The following ANKS4B variants were observed in gnomAD, a reference collection of about 807,000 sequenced individuals.
ANKS4B encodes the protein ankyrin repeat and SAM domain-containing protein 4B.
Under a neutral mutation model 20.2 loss-of-function variants are expected in ANKS4B, and 21 were observed. That is an observed-to-expected ratio of 1.04 (90% CI 0.74 to 1.50). The LOEUF is 1.50. ANKS4B is among the 40% of genes most tolerant of loss of function. ANKS4B has a pLI of 0.00. For synonymous variants in ANKS4B, 179 were observed against 194.5 expected (o/e 0.92, Z 0.66); for missense variants, 473 against 494.6 (o/e 0.96, Z 0.41).
chr16:21,244,252 G>A (rs987397041), intron 1 of ANKS4B, among the ~76,000 whole-genome samples: 21 of 151,966 alleles, frequency 1.4e-4, no homozygotes, highest in Non-Finnish European at 2.1e-4. Context: ...ATCACACACC[G>A]GGGCCTGTTG....
intron 1 of ANKS4B, among the ~76,000 whole-genome samples, chr16:21,240,758 C>T (rs983730365): frequency 2.0e-5 from 3 of 151,596 alleles, no homozygotes; most frequent in African/African-American, 4.9e-5. Context: ...TTGAGATCCA[C>T]GCCACTATTT....
At position 21,250,029 on chromosome 16, in the gene ANKS4B, G is replaced by A. The variant is rs2093336924; in HGVS notation, c.463G>A (p.Glu155Lys). Residue 155 changes from glutamate to lysine, a missense_variant, in exon 2 of 2, where the codon GAG becomes AAG. By Grantham distance (56) the Glu-to-Lys change is moderately conservative. Transcript: ENST00000311620. Reference protein sequence around the residue: ...RQIKECERLQEKHQNKMAHTY... With the variant: ...RQIKECERLQKKHQNKMAHTY... ...GATCAAAGAGTGTGAGAGGCTCCAG[G>A]AGAAGCACCAAAATAAGATGGCCCA... is the stretch of plus-strand genomic sequence containing the variant. 1.2e-6 allele frequency: 2 copies of A among 1,614,020 alleles called. No homozygotes were observed. The highest frequency in any genetic ancestry group is 8.5e-7 in the Non-Finnish European group (1 of 1,180,026).
In ANKS4B at chr16:21,250,809, A is replaced by G. The variant is rs759900830; in HGVS notation, c.1243A>G (p.Thr415Ala). The G allele has an allele frequency of 5.0e-6, 8 of 1,590,652 alleles. No homozygotes were observed. The highest frequency in any genetic ancestry group is 2.0e-4 in the Middle Eastern group (1 of 5,004). Residue 415 changes from threonine to alanine, a missense_variant, in exon 2 of 2, where the codon ACC (threonine) becomes GCC (alanine). Coordinates refer to ENST00000311620, the MANE Select transcript of ANKS4B (RefSeq NM_145865.3). ...TCAACAGCCTGGGCAGCTGGTCGAC[A>G]CCAGCCTGTGATGGAGAGTTTTGGC... ...VLQQPGQLVD[T>A]SL
chr16:21,233,869 C>T lies in ANKS4B; in HGVS notation c.132C>T (p.Asn44=). 1.2e-6 allele frequency: 2 copies of T among 1,613,588 alleles called. No individual in the cohort carries two copies. The highest frequency in any genetic ancestry group is 1.7e-5 in the Admixed American group (1 of 59,988). Residue 44 remains asparagine (N), a synonymous_variant, in exon 1 of 2, where the codon AAC becomes AAT. Coordinates refer to ENST00000311620, the MANE Select transcript of ANKS4B (RefSeq NM_145865.3). ...CTCTCTTGGCAGCCTACCATGGGAA[C>T]TTGGAAGCCCTAGAGATAATCTGCA... ...TPTLLAAYHG[N]LEALEIICSR... is the part of the protein sequence containing the mutation.
chr16:21,243,666 G>A (rs1188051275), intron 1 of ANKS4B, among the ~76,000 whole-genome samples: 5 of 152,102 alleles, frequency 3.3e-5, no homozygotes, highest in African/African-American at 1.2e-4. Context: ...CCGCCTCCTG[G>A]GTTCACGCCA....
intron 1 of ANKS4B, among the ~76,000 whole-genome samples, chr16:21,245,751 C>T (rs1353951248): frequency 6.6e-6 from 1 of 152,168 alleles, no homozygotes; most frequent in Non-Finnish European, 1.5e-5. Flanking sequence ...AGGCATGAGC[C>T]ACCTCACCTG....
At chr16:21,237,914 C>T (rs753278366) in intron 1 of ANKS4B, among the ~76,000 whole-genome samples, 20 of 152,228 alleles carry the variant, frequency 1.3e-4, no homozygotes, top group Non-Finnish European at 2.8e-4. Context: ...GTAATCCCAG[C>T]ACTTTGGGAA....
At chr16:21,233,986 C>T in intron 1 of ANKS4B, 85 bp downstream of exon 1, 17 of 1,275,632 alleles carry the variant, frequency 1.3e-5, no homozygotes, top group Non-Finnish European at 1.9e-5. Context: ...GACGTCAATA[C>T]AAATACTTTA....
intron 1 of ANKS4B, among the ~76,000 whole-genome samples, chr16:21,239,297 T>G (rs1052885776): frequency 6.6e-6 from 1 of 152,196 alleles, no homozygotes; most frequent in South Asian, 2.1e-4. Context: ...ACAATAAAGA[T>G]ACATGCCTGG....
chr16:21,249,617 G>A, intron 1 of ANKS4B, 114 bp from the exon 2 acceptor site: 1 of 1,196,258 alleles, frequency 8.4e-7, no homozygotes, highest in South Asian at 1.6e-5. Context: ...AAGTCAGGAT[G>A]AACATGTTTG....
rs2093342106 is a variant in ANKS4B, at chr16:21,253,636, T to C, written c.*2816T>C. The C allele has an allele frequency of 6.6e-6, 1 of 152,158 alleles. No individual in the cohort carries two copies. The highest frequency in any genetic ancestry group is 2.1e-4 in the South Asian group (1 of 4,838). 9.4% of individuals were successfully genotyped at this position (152,158 alleles called of 1,614,324 possible). The stretch of plus-strand genomic sequence containing the variant: ...GCAAGAGAGCCATCACTCAGGTTGG[T>C]AGAAATGAACTTGAACATTGACTCT... On this transcript the variant is annotated 3_prime_UTR_variant, in exon 2 of 2. Transcript: ENST00000311620.
intron 1 of ANKS4B, among the ~76,000 whole-genome samples, chr16:21,243,318 GA>G (rs950242829): frequency 2.0e-5 from 3 of 152,124 alleles, no homozygotes; most frequent in African/African-American, 7.2e-5. Context: ...AAGGGAAATA[GA>G]AAAAAACAAC....
intron 1 of ANKS4B, among the ~76,000 whole-genome samples, chr16:21,247,498 C>T (rs2093333861): frequency 6.6e-6 from 1 of 152,098 alleles, no homozygotes; most frequent in Non-Finnish European, 1.5e-5. Flanking sequence ...TTCTGTCTGC[C>T]CTCTACTTCT....
rs752698422 is a variant in ANKS4B at position 21,249,971 on chromosome 16, G to A, written c.405G>A (p.Leu135=). 6.2e-7 allele frequency: 1 copy of A among 1,614,220 alleles called. No individual in the cohort carries two copies. Among genetic ancestry groups the A allele is most frequent in the Non-Finnish European group, 8.5e-7 (1 of 1,180,032 alleles). ...NIMNPKKVTR[L]KEQAQKNARR... is the part of the protein sequence containing the mutation. ...TGAACCCCAAGAAGGTCACCAGGCT[G>A]AAGGAGCAGGCTCAGAAGAATGCCA... The change falls in exon 2 of 2, where the codon CTG becomes CTA. Residue 135 remains leucine, a synonymous_variant. Coordinates refer to ENST00000311620, the MANE Select transcript of ANKS4B (RefSeq NM_145865.3).
At chr16:21,241,399 A>T (rs1175003608) in intron 1 of ANKS4B, among the ~76,000 whole-genome samples, 1 of 151,812 alleles carries the variant, frequency 6.6e-6, no homozygotes, top group East Asian at 1.9e-4. Context: ...ACTTCATGGT[A>T]TTCTGTTTTA....
rs2093342294 is a variant in ANKS4B at position 21,253,828 on chromosome 16, A to C, written c.*3008A>C. On this transcript the variant is annotated 3_prime_UTR_variant, in exon 2 of 2. Transcript: ENST00000311620. ...TCGTCACAGAGTATTGTTATATAAT[A>C]AAAAAAGGTTTATACCATGTTATAA... is the stretch of plus-strand genomic sequence containing the variant. 1 of 152,200 alleles carries C rather than the reference A, an allele frequency of 6.6e-6. No homozygotes were observed. Among genetic ancestry groups the C allele is most frequent in the Non-Finnish European group, 1.5e-5 (1 of 68,034 alleles). The allele number at this position is 152,200 out of a possible 1,614,324, so 9.4% of individuals were successfully genotyped here.
chr16:21,235,494 A>C (rs1178691048), intron 1 of ANKS4B, among the ~76,000 whole-genome samples: 2 of 152,126 alleles, frequency 1.3e-5, no homozygotes, highest in Admixed American at 6.5e-5. Flanking sequence ...GCCAGAGTAG[A>C]TTTATGTTTA....
chr16:21,234,982 G>T (rs910801239), intron 1 of ANKS4B, among the ~76,000 whole-genome samples: 2 of 152,090 alleles, frequency 1.3e-5, no homozygotes, highest in Non-Finnish European at 2.9e-5. Flanking sequence ...CCGAGTAGCT[G>T]GGACAAGAGG....
chr16:21,245,948 AATTT>A (rs910157233), intron 1 of ANKS4B, among the ~76,000 whole-genome samples: 1 of 152,232 alleles, frequency 6.6e-6, no homozygotes, highest in African/African-American at 2.4e-5. Flanking sequence ...TATGTAGATT[AATTT>A]ATTTAATTCA....
Sources: allele counts gnomAD v4.1 joint callset (sites outside exome capture counted in the v4.1 genomes callset), GRCh38; gene constraint gnomAD v4.1.1; transcripts MANE v1.5; gene names NCBI Gene and HGNC (gene_info 2026-07-23, HGNC 2026-07-21).